Variants in PROCR observed in about 807,000 individuals in gnomAD.
PROCR encodes the protein protein C receptor.
Under a neutral mutation model 24.2 loss-of-function variants are expected in PROCR, and 22 were observed. The observed-to-expected ratio is 0.91, with a 90% CI of 0.65 to 1.30. The LOEUF (loss-of-function observed/expected upper bound fraction) is 1.30, where lower values mean the gene tolerates loss of function less well. Ranked by LOEUF, PROCR falls within the 50% of genes most tolerant of loss-of-function variation. The probability of loss-of-function intolerance (pLI) is 0.00; values close to 1 mark genes in which losing one functional copy is unlikely to be tolerated. For synonymous variants in PROCR, 137 were observed against 139.2 expected (o/e 0.98, Z 0.11); for missense variants, 288 against 307.7 (o/e 0.94, Z 0.48).
intron 1 of PROCR, among the ~76,000 whole-genome samples, chr20:35,212,288 A>G (rs2060365426): frequency 6.6e-6 from 1 of 152,188 alleles, no homozygotes; most frequent in Admixed American, 6.5e-5. Flanking sequence ...TGTCCAAGTG[A>G]CACTCAAGGG....
intron 1 of PROCR, among the ~76,000 whole-genome samples, chr20:35,206,817 G>A (rs1174860612): frequency 6.6e-6 from 1 of 152,056 alleles, no homozygotes; most frequent in Non-Finnish European, 1.5e-5. Context: ...CTTACCATAG[G>A]CTCCAACAAT....
At chr20:35,189,653 G>A (rs751479385) in intron 1 of PROCR, among the ~76,000 whole-genome samples, 13 of 152,218 alleles carry the variant, frequency 8.5e-5, no homozygotes, top group African/African-American at 1.9e-4. Flanking sequence ...GGGGCATCAC[G>A]GAACCTGCCG....
intron 1 of PROCR, among the ~76,000 whole-genome samples, chr20:35,206,870 A>G (rs559374129): frequency 6.6e-6 from 1 of 152,336 alleles, no homozygotes; most frequent in Admixed American, 6.5e-5. Flanking sequence ...ATTTATGTTC[A>G]TACCAAAACC....
intron 1 of PROCR, among the ~76,000 whole-genome samples, chr20:35,214,273 A>C (rs1238136139): frequency 6.6e-6 from 1 of 152,180 alleles, no homozygotes; most frequent in African/African-American, 2.4e-5. Flanking sequence ...TATTACACAA[A>C]TAGTAGCCTA....
chr20:35,186,067 A>C (rs769205935), intron 1 of PROCR, among the ~76,000 whole-genome samples: 4 of 152,224 alleles, frequency 2.6e-5, no homozygotes, highest in Non-Finnish European at 5.9e-5. Context: ...CTCCTAGTAT[A>C]TGCCCAAGAA....
chr20:35,176,318 C>G lies in PROCR; in HGVS notation c.473C>G (p.Ser158Cys). ...TGGCAGGCAGACACCCAGGTCACCTCCGGAGTGGTCACCTTCACCCTGCAG... is the reference window on the plus strand; with the variant it reads ...TGGCAGGCAGACACCCAGGTCACCTGCGGAGTGGTCACCTTCACCCTGCAG... Reference protein sequence around the residue: ...ALWQADTQVTSGVVTFTLQQL... With the variant: ...ALWQADTQVTCGVVTFTLQQL... The change falls in exon 3 of 4, where the codon TCC becomes TGC. Residue 158 changes from serine to cysteine, a missense_variant. Transcript: ENST00000216968. 1 of 1,614,238 alleles carries G rather than the reference C, an allele frequency of 6.2e-7. No homozygotes were observed. Among genetic ancestry groups the G allele is most frequent in the Non-Finnish European group, 8.5e-7 (1 of 1,180,038 alleles).
downstream of PROCR, among the ~76,000 whole-genome samples, chr20:35,179,556 A>G (rs972577288): frequency 5.3e-5 from 8 of 152,082 alleles, no homozygotes; most frequent in African/African-American, 1.9e-4. Context: ...AAGATAGTGT[A>G]TGTATAGTCA....
intron 3 of PROCR, 45 bp from the exon 4 acceptor site, chr20:35,176,653 C>T: frequency 6.3e-7 from 1 of 1,576,526 alleles, no homozygotes; most frequent in Non-Finnish European, 8.6e-7. Context: ...ATCATGGACT[C>T]CTTGGGGGCC....
At chr20:35,205,824 TATATCTACATATACATATATAC>T (rs1156838895) in intron 1 of PROCR, among the ~76,000 whole-genome samples, 4 of 141,600 alleles carry the variant, frequency 2.8e-5, no homozygotes, top group Non-Finnish European at 6.1e-5. Flanking sequence ...CATATATACA[TATATCTACATATACATATATAC>T]ATGTATACAT....
intron 1 of PROCR, among the ~76,000 whole-genome samples, chr20:35,207,592 T>C (rs917892372): frequency 2.0e-5 from 3 of 151,944 alleles, no homozygotes; most frequent in African/African-American, 2.4e-5. Context: ...TACAGTGGTA[T>C]GATCTCGGCT....
At chr20:35,212,492 A>G (rs1037937962) in intron 1 of PROCR, among the ~76,000 whole-genome samples, 7 of 152,168 alleles carry the variant, frequency 4.6e-5, no homozygotes, top group African/African-American at 1.7e-4. Flanking sequence ...AGAGGGCAAG[A>G]TGAAGGCAGG....
intron 1 of PROCR, among the ~76,000 whole-genome samples, chr20:35,212,365 C>T (rs978699182): frequency 6.6e-6 from 1 of 152,150 alleles, no homozygotes; most frequent in African/African-American, 2.4e-5. Context: ...GAAGGGCCCT[C>T]ACGCTTGTTT....
intron 1 of PROCR, among the ~76,000 whole-genome samples, chr20:35,173,017 GA>G: frequency 1.3e-5 from 2 of 152,296 alleles, no homozygotes; most frequent in East Asian, 3.9e-4. Context: ...CTGGGTCACA[GA>G]GTAGTTAAGG....
intron 1 of PROCR, among the ~76,000 whole-genome samples, chr20:35,211,961 G>A (rs1458748467): frequency 6.6e-6 from 1 of 151,900 alleles, no homozygotes; most frequent in Non-Finnish European, 1.5e-5. Flanking sequence ...AGGTTGTAGT[G>A]AGCCAAGATC....
At chr20:35,179,019 C>T (rs1448521411), downstream of PROCR, among the ~76,000 whole-genome samples, 4 of 149,906 alleles carry the variant, frequency 2.7e-5, no homozygotes, top group Non-Finnish European at 5.9e-5. Context: ...ATCACAAGGT[C>T]AGGAGATCGA....
chr20:35,205,752 AATATATATATATAT>A (rs200029202), intron 1 of PROCR, among the ~76,000 whole-genome samples: 101 of 102,666 alleles, frequency 9.8e-4, no homozygotes, highest in South Asian at 9.6e-3. Context: ...ACTCTGTCTA[AATATATATATATAT>A]ATATATATAT....
chr20:35,172,186 T>A lies in PROCR; in HGVS notation c.32T>A (p.Leu11Gln). Reference protein sequence around the residue: MLTTLLPILLLSGWAFCSQDA... With the variant: MLTTLLPILLQSGWAFCSQDA... ...ACAACATTGCTGCCGATACTGCTGC[T>A]GTCTGGCTGGGCCTTTTGTAGCCAA... Residue 11 changes from leucine (L) to glutamine (Q), a missense_variant, in exon 1 of 4, where the codon CTG (leucine) becomes CAG (glutamine). Transcript: ENST00000216968. The A allele has an allele frequency of 3.7e-6, 6 of 1,614,226 alleles. No homozygotes were observed. Among genetic ancestry groups the A allele is most frequent in the Non-Finnish European group, 5.1e-6 (6 of 1,180,038 alleles).
rs1192162131 is a variant in PROCR, at chr20:35,215,870, C to T, written c.95-23C>T. 5.1e-6 allele frequency: 5 copies of T among 985,210 alleles called. 1 individual carries two copies. In the Middle Eastern group the frequency reaches 1.5e-3, roughly 305 times the overall value. 61.0% of individuals were successfully genotyped at this position (985,210 alleles called of 1,614,324 possible). ...AGCTGGACTGTGCTCTCCAGCCACC[C>T]TCTCATTTATATTTCCTTTCAGATC... is the stretch of plus-strand genomic sequence containing the variant. On this transcript the variant is annotated intron_variant, in intron 1 of 1. Coordinates refer to the PROCR transcript ENST00000634509.
At chr20:35,175,899 GT>G (rs370936992) in intron 2 of PROCR, among the ~76,000 whole-genome samples, 10 of 147,838 alleles carry the variant, frequency 6.8e-5, no homozygotes, top group South Asian at 2.1e-4. Context: ...CTCACCCCCT[GT>G]TTTTTTTTTC....
Sources: gnomAD v4.1 joint callset for allele counts (sites outside exome capture counted in the v4.1 genomes callset) on GRCh38, gnomAD v4.1.1 for gene constraint, MANE v1.5 for transcripts, NCBI Gene and HGNC (gene_info 2026-07-23, HGNC 2026-07-21) for gene names.